CCDC60: variants seen among roughly 807,000 people sequenced by gnomAD.
The protein encoded by CCDC60 is coiled-coil domain-containing protein 60.
In CCDC60, 54 loss-of-function variants were observed where a neutral mutation model predicts 63.5. That is an observed-to-expected ratio of 0.85 (90% CI 0.68 to 1.07). The LOEUF is 1.07. CCDC60 is among the 50% of genes least tolerant of loss of function. The probability of loss-of-function intolerance (pLI) is 0.00; values close to 1 mark genes in which losing one functional copy is unlikely to be tolerated. For missense variants in CCDC60, 651 were observed against 684.3 expected, an observed-to-expected ratio of 0.95 and a Z score of 0.54; for synonymous variants, 206 against 238.8, an observed-to-expected ratio of 0.86 and a Z score of 1.27.
chr12:119,447,695 GA>G (rs1950566406), intron 2 of CCDC60: 1 of 152,206 alleles, frequency 6.6e-6, no homozygotes. Flanking sequence ...TCTCAGAACT[GA>G]AAACTGACTG....
At chr12:119,394,832 A>C (rs1956221833) in intron 1 of CCDC60, among the ~76,000 whole-genome samples, 1 of 152,214 alleles carries the variant, frequency 6.6e-6, no homozygotes, top group Non-Finnish European at 1.5e-5. Context: ...CTACCTGAAT[A>C]GGGGCAGATG....
At chr12:119,357,967 G>A (rs1305590972) in intron 1 of CCDC60, among the ~76,000 whole-genome samples, 4 of 152,168 alleles carry the variant, frequency 2.6e-5, no homozygotes, top group Non-Finnish European at 4.4e-5. Context: ...AAGGTGAAGA[G>A]GAAGCAGGCA....
At chr12:119,349,046 C>G (rs191482033) in intron 1 of CCDC60, among the ~76,000 whole-genome samples, 165 of 152,282 alleles carry the variant, frequency 1.1e-3, no homozygotes, top group Non-Finnish European at 2.1e-3. Context: ...ATTATTAATT[C>G]CATTTTACAG....
At chr12:119,506,777 T>C (rs1278417150) in intron 7 of CCDC60, among the ~76,000 whole-genome samples, 1 of 152,126 alleles carries the variant, frequency 6.6e-6, no homozygotes, top group Non-Finnish European at 1.5e-5. Flanking sequence ...CTCTACTAGA[T>C]AGAATCATGA....
intron 1 of CCDC60, among the ~76,000 whole-genome samples, chr12:119,345,503 AAAATAAAT>A (rs71072508): frequency 1.3e-5 from 2 of 150,376 alleles, no homozygotes; most frequent in African/African-American, 2.4e-5. Context: ...CTCCATCTCA[AAAATAAAT>A]AAATAAATAA....
intron 2 of CCDC60, among the ~76,000 whole-genome samples, chr12:119,445,455 A>AAAAAAAAAAAAAAAAAAC (rs1950526557): frequency 6.8e-6 from 1 of 147,818 alleles, no homozygotes; most frequent in Non-Finnish European, 1.5e-5. Context: ...AAAAAAAAAA[A>AAAAAAAAAAAAAAAAAAC]AGGAATGCTC....
At chr12:119,421,045 C>A (rs189924434) in intron 1 of CCDC60, among the ~76,000 whole-genome samples, 1 of 152,018 alleles carries the variant, frequency 6.6e-6, no homozygotes, top group South Asian at 2.1e-4. Context: ...CTCCCTTCCC[C>A]GCTCACCCCT....
At chr12:119,445,206 G>A (rs1950520197) in intron 2 of CCDC60, among the ~76,000 whole-genome samples, 1 of 151,868 alleles carries the variant, frequency 6.6e-6, no homozygotes, top group Non-Finnish European at 1.5e-5. Context: ...GGCCGAGGTG[G>A]GTGGATCACT....
At chr12:119,478,909 G>A (rs909289339) in intron 3 of CCDC60, among the ~76,000 whole-genome samples, 185 bp from the exon 4 acceptor site, 2 of 152,184 alleles carry the variant, frequency 1.3e-5, no homozygotes, top group Non-Finnish European at 2.9e-5. Context: ...CCGACCGAGG[G>A]CAGGGACTTT....
At chr12:119,460,004 G>T (rs1277517257) in intron 2 of CCDC60, among the ~76,000 whole-genome samples, 1 of 152,160 alleles carries the variant, frequency 6.6e-6, no homozygotes, top group African/African-American at 2.4e-5. Flanking sequence ...AACCCATGGG[G>T]CAATTACACA....
In CCDC60 at chr12:119,420,823, C is replaced by T. The variant is rs1007379550; in HGVS notation, c.91-7860C>T. Among the ~76,000 whole-genome samples the T allele has an allele frequency of 2.6e-5, 4 of 151,874 alleles. No individual in the cohort carries two copies. The highest frequency in any genetic ancestry group is 7.3e-5 in the African/African-American group (3 of 41,340). On this transcript the variant is annotated intron_variant, in intron 1 of 13. Transcript: ENST00000327554. The surrounding 1 kb of genome is among the most constrained non-coding windows in gnomAD (Gnocchi z 4.1). ...CTGTATCAAAACAACTCATGTATTC[C>T]GTAAATATATGCACTTATTATGTAC... is the stretch of plus-strand genomic sequence containing the variant.
rs926179447 is a variant in CCDC60 at position 119,420,291 on chromosome 12, C to CA, written c.91-8384dup. Among the ~76,000 whole-genome samples, 6 of 151,346 alleles carry CA rather than the reference C, an allele frequency of 4.0e-5. No homozygotes were observed. The highest frequency in any genetic ancestry group is 1.2e-4 in the African/African-American group (5 of 41,312). The stretch of plus-strand genomic sequence containing the variant: ...AGGTACACATCTTACATTCTTATGA[C>CA]AAAAAAAATACCTCACTCTCCCCAA... On this transcript the variant is annotated intron_variant, in intron 1 of 13. Transcript: ENST00000327554. The surrounding 1 kb of genome is among the most constrained non-coding windows in gnomAD (Gnocchi z 4.1).
intron 1 of CCDC60, among the ~76,000 whole-genome samples, chr12:119,356,079 C>T (rs1057331808): frequency 1.4e-4 from 21 of 152,184 alleles, no homozygotes; most frequent in African/African-American, 4.3e-4. Flanking sequence ...CAACATCTTC[C>T]GCAAATAGTG....
At chr12:119,537,962 G>A (rs1953053365) in intron 13 of CCDC60, among the ~76,000 whole-genome samples, 1 of 152,218 alleles carries the variant, frequency 6.6e-6, no homozygotes, top group Non-Finnish European at 1.5e-5. Context: ...CTGTCAGACA[G>A]GGACGTTTAA....
intron 2 of CCDC60, among the ~76,000 whole-genome samples, chr12:119,438,590 T>C (rs896604263): frequency 1.3e-5 from 2 of 152,190 alleles, no homozygotes; most frequent in African/African-American, 4.8e-5. Flanking sequence ...GAGAGAGAGA[T>C]AACAAGATCT....
At chr12:119,517,907 T>G (rs1259468515) in intron 8 of CCDC60, among the ~76,000 whole-genome samples, 1 of 152,234 alleles carries the variant, frequency 6.6e-6, no homozygotes, top group Admixed American at 6.5e-5. Flanking sequence ...CAGAGCTCCC[T>G]TCCCAGGTGT....
At chr12:119,447,659 C>G (rs1327038231) in intron 2 of CCDC60, 7 of 152,040 alleles carry the variant, frequency 4.6e-5, no homozygotes, top group African/African-American at 1.7e-4. Context: ...CTTGCATTCT[C>G]GAAAAAAACA....
chr12:119,474,865 A>G (rs544256537), intron 3 of CCDC60, among the ~76,000 whole-genome samples: 17 of 152,260 alleles, frequency 1.1e-4, no homozygotes, highest in Admixed American at 5.2e-4. Context: ...AAAGAAAAAT[A>G]TATACAATTT....
chr12:119,441,218 A>T (rs1950438398), intron 2 of CCDC60, among the ~76,000 whole-genome samples: 1 of 152,154 alleles, frequency 6.6e-6, no homozygotes, highest in Admixed American at 6.5e-5. Flanking sequence ...AGCTGTGCAA[A>T]TGCAGCTGTT....
Sources: gnomAD v4.1 joint callset for allele counts (sites outside exome capture counted in the v4.1 genomes callset) on GRCh38, gnomAD v4.1.1 for gene constraint, Gnocchi (gnomAD v3.1) non-coding constraint, MANE v1.5 for transcripts, NCBI Gene and HGNC (gene_info 2026-07-23, HGNC 2026-07-21) for gene names.